CACNA1C: variants seen among roughly 807,000 people sequenced by gnomAD.
The protein encoded by CACNA1C is voltage-dependent L-type calcium channel subunit alpha-1C.
In CACNA1C, 30 loss-of-function variants were observed where a neutral mutation model predicts 229.0. The ratio of observed to expected loss-of-function variants is 0.13; its 90% CI spans 0.10 to 0.18. The LOEUF (loss-of-function observed/expected upper bound fraction) is 0.18, where lower values mean the gene tolerates loss of function less well. CACNA1C is among the 10% of genes least tolerant of loss of function. The pLI is 1.00. For missense variants in CACNA1C, 1,658 were observed against 2,845.0 expected (o/e 0.58, Z 9.49); for synonymous variants, 1,114 against 1,132.5 (o/e 0.98, Z 0.33).
rs1024405307 is a variant in CACNA1C, at chr12:2,583,860, G to A, written c.2225-643G>A. Among the ~76,000 whole-genome samples, 6 of 152,342 alleles carry A rather than the reference G, an allele frequency of 3.9e-5. No individual in the cohort carries two copies. The East Asian group carries it at 1.2e-3, about 29-fold the overall frequency. On this transcript the variant is annotated intron_variant, in intron 15 of 46. Coordinates refer to ENST00000399655, the MANE Select transcript of CACNA1C (RefSeq NM_000719.7). ...TCCCTGTGTGTGAAATGATATGAAT[G>A]TCTGGGTGCCTGGGGCCGGGGGTCA...
intron 44 of CACNA1C, 99 bp from the exon 45 acceptor site, chr12:2,686,067 C>A (rs2097457326): frequency 4.8e-6 from 5 of 1,032,154 alleles, no homozygotes; most frequent in Non-Finnish European, 6.2e-6. Context: ...GCGTCTCGGG[C>A]CATAGTTACT....
At position 2,674,316 on chromosome 12, in the gene CACNA1C, G is replaced by A. The variant is rs1008463755; in HGVS notation, c.4727-225G>A. Among the ~76,000 whole-genome samples, 9 of 152,222 alleles carry A rather than the reference G, an allele frequency of 5.9e-5. No individual in the cohort carries two copies. The South Asian group carries it at 8.3e-4, about 14-fold the overall frequency. ...GAAGGGGACAGGAATGGCATTGGAC[G>A]GGGCACAAGAGGGAAGGGGGAAGGA... is the stretch of plus-strand genomic sequence containing the variant. On this transcript the variant is annotated intron_variant, in intron 38 of 46. Coordinates refer to ENST00000399655, the MANE Select transcript of CACNA1C (RefSeq NM_000719.7).
chr12:2,522,236 G>A (rs2099811420), intron 9 of CACNA1C, among the ~76,000 whole-genome samples: 1 of 152,206 alleles, frequency 6.6e-6, no homozygotes, highest in African/African-American at 2.4e-5. Flanking sequence ...CAGCCGTCTT[G>A]TTATATAGAA....
chr12:2,193,964 C>T lies in CACNA1C; in HGVS notation c.477+73534C>T, dbSNP rs75622662. Among the ~76,000 whole-genome samples, 394 of 152,290 alleles carry T rather than the reference C, an allele frequency of 2.6e-3. 2 individuals are homozygous for T. Among genetic ancestry groups the T allele is most frequent in the African/African-American group, 9.2e-3 (381 of 41,552 alleles). ...ATCCTTGTCTCTGCACCCTCTCCCT[C>T]AGTCCTGGCCACTCCCATGTGAACC... On this transcript the variant is annotated intron_variant, in intron 3 of 46. Transcript: ENST00000399655.
chr12:2,666,886 T>G lies in CACNA1C; in HGVS notation c.4623+104T>G. ...GAATGAACATACTAGTTTATGTGCC[T>G]AAAGATTACATTTTAAGGGTCCTTC... On this transcript the variant is annotated intron_variant, in intron 37 of 46. Coordinates refer to ENST00000399655, the MANE Select transcript of CACNA1C (RefSeq NM_000719.7). The surrounding 1 kb of genome is among the most constrained non-coding windows in gnomAD (Gnocchi z 5.3). The G allele has an allele frequency of 1.4e-6, 1 of 737,172 alleles. No homozygotes were observed. Among genetic ancestry groups the G allele is most frequent in the Non-Finnish European group, 2.4e-6 (1 of 419,616 alleles). 45.7% of individuals were successfully genotyped at this position (737,172 alleles called of 1,614,324 possible).
rs2099876621 is a variant in CACNA1C at position 2,543,948 on chromosome 12, C to T, written c.1391-5995C>T. ...TAAGCAGGGCTCTCATCCCCTCAGA[C>T]AGCCACCACACAGATAGAAACTTGG... is the stretch of plus-strand genomic sequence containing the variant. On this transcript the variant is annotated intron_variant, in intron 9 of 46. Transcript: ENST00000399655. Among the ~76,000 whole-genome samples, 3 of 152,188 alleles carry T rather than the reference C, an allele frequency of 2.0e-5. No individual in the cohort carries two copies. The South Asian group carries it at 6.2e-4, about 32-fold the overall frequency.
intron 1 of CACNA1C, among the ~76,000 whole-genome samples, chr12:2,025,477 C>A (rs868136452): frequency 6.6e-6 from 1 of 152,150 alleles, no homozygotes; most frequent in Admixed American, 6.5e-5. Flanking sequence ...GGGCCAGACA[C>A]CTTCTTGTTG....
chr12:2,004,579 C>T, intron 1 of CACNA1C: 1 of 1,194,740 alleles, frequency 8.4e-7, no homozygotes, highest in South Asian at 1.6e-5. Context: ...ACCCTCCTGC[C>T]CGCCGACAGA....
intron 3 of CACNA1C, among the ~76,000 whole-genome samples, chr12:2,400,630 G>A (rs990764654): frequency 6.6e-6 from 1 of 152,086 alleles, no homozygotes; most frequent in African/African-American, 2.4e-5. Flanking sequence ...ACCTCAGGTT[G>A]GCTTAGGGTC....
At chr12:1,995,802 C>T (rs536059846) in intron 1 of CACNA1C, among the ~76,000 whole-genome samples, 1 of 152,340 alleles carries the variant, frequency 6.6e-6, no homozygotes, top group Non-Finnish European at 1.5e-5. Context: ...TTTATACTCA[C>T]TCCTTCAGGG....
chr12:2,312,065 G>T (rs535408517), intron 3 of CACNA1C, among the ~76,000 whole-genome samples: 1 of 152,180 alleles, frequency 6.6e-6, no homozygotes, highest in South Asian at 2.1e-4. Context: ...TGGCTTCCTG[G>T]GAACAGGCCC....
rs777659655 is a variant in CACNA1C, at chr12:2,115,308, C to A, written c.134C>A (p.Thr45Asn). The A allele has an allele frequency of 6.3e-7, 1 of 1,594,282 alleles. No homozygotes were observed. The highest frequency in any genetic ancestry group is 1.1e-5 in the South Asian group (1 of 88,586). ...AAGLAPEHIPTPGAALSWQAA... is the reference protein window; with the variant it reads ...AAGLAPEHIPNPGAALSWQAA... The stretch of plus-strand genomic sequence containing the variant: ...GGGCTGGCCCCTGAGCACATCCCCA[C>A]CCCGGGGGCTGCCCTGTCGTGGCAG... The change falls in exon 2 of 47, where the codon ACC becomes AAC. Residue 45 changes from threonine (T) to asparagine (N), a missense_variant. Physicochemically the swap from Thr to Asn is moderately conservative, Grantham distance 65 (BLOSUM62 0). Around this residue, in one of 20 missense-constraint regions of CACNA1C, gnomAD observed 111 missense variants for 128.0 expected, o/e 0.87. Transcript: ENST00000399655.
At chr12:2,101,432 G>A (rs1009894468) in intron 1 of CACNA1C, among the ~76,000 whole-genome samples, 1 of 152,224 alleles carries the variant, frequency 6.6e-6, no homozygotes, top group Non-Finnish European at 1.5e-5. Flanking sequence ...GGAGGGGTTA[G>A]GGGCTCAACC....
At chr12:2,141,092 G>A (rs1256150701) in intron 3 of CACNA1C, among the ~76,000 whole-genome samples, 1 of 151,010 alleles carries the variant, frequency 6.6e-6, no homozygotes, top group African/African-American at 2.4e-5. Context: ...GGACAGCAGG[G>A]CCAGGACCCC....
At position 2,115,562 on chromosome 12, in the gene CACNA1C, G is replaced by A. The variant is rs78645318; in HGVS notation, c.371+17G>A. On this transcript the variant is annotated intron_variant, in intron 2 of 46. Coordinates refer to ENST00000399655, the MANE Select transcript of CACNA1C (RefSeq NM_000719.7). Reference sequence around the variant, plus strand: ...CGAATGGAAATATCCTTTGTTCACCGGGCTGGGCATGCTCCTGGGACCTGC... The same window carrying A: ...CGAATGGAAATATCCTTTGTTCACCAGGCTGGGCATGCTCCTGGGACCTGC... 2,174 of 1,611,904 alleles carry A rather than the reference G, an allele frequency of 1.3e-3. 29 individuals are homozygous for A. The African/African-American group carries it at 0.026, about 19-fold the overall frequency.
chr12:2,465,557 A>G (rs2099545056), intron 5 of CACNA1C, among the ~76,000 whole-genome samples: 1 of 152,184 alleles, frequency 6.6e-6, no homozygotes, highest in Non-Finnish European at 1.5e-5. Flanking sequence ...ATTACCGAAA[A>G]GGAAGTATGG....
At chr12:2,404,238 C>G (rs768490591) in intron 3 of CACNA1C, among the ~76,000 whole-genome samples, 19 of 152,202 alleles carry the variant, frequency 1.2e-4, no homozygotes, top group Non-Finnish European at 1.6e-4. Flanking sequence ...GCCGGAGCCC[C>G]ATGCTCCTCA....
At chr12:2,240,560 C>A (rs1468006626) in intron 3 of CACNA1C, among the ~76,000 whole-genome samples, 1 of 152,198 alleles carries the variant, frequency 6.6e-6, no homozygotes, top group Non-Finnish European at 1.5e-5. Flanking sequence ...CACAAGCTGG[C>A]TGGAAGGACT....
intron 3 of CACNA1C, among the ~76,000 whole-genome samples, chr12:2,183,725 G>T (rs771093714): frequency 1.3e-5 from 2 of 152,326 alleles, no homozygotes; most frequent in African/African-American, 2.4e-5. Context: ...CTCTGCCCTC[G>T]TCTCTTGCCT....
Sources: allele counts gnomAD v4.1 joint callset (sites outside exome capture counted in the v4.1 genomes callset), GRCh38; gene constraint gnomAD v4.1.1; regional missense constraint gnomAD v4.1.1; non-coding constraint Gnocchi (gnomAD v3.1); transcripts MANE v1.5; gene names NCBI Gene and HGNC (gene_info 2026-07-23, HGNC 2026-07-21).